SLC5A4: variants seen among roughly 807,000 people sequenced by gnomAD.
SLC5A4 encodes solute carrier family 5 member 4.
SLC5A4 carries 55 observed loss-of-function variants against 70.3 expected under a neutral mutation model. The observed-to-expected ratio is 0.78, with a 90% confidence interval of 0.63 to 0.98. The LOEUF is 0.98. SLC5A4 is among the 50% of genes least tolerant of loss of function. The probability of loss-of-function intolerance (pLI) is 0.00; values close to 1 mark genes in which losing one functional copy is unlikely to be tolerated. For synonymous variants in SLC5A4, 268 were observed against 305.7 expected (o/e 0.88, Z 1.29); for missense variants, 735 against 839.2 (o/e 0.88, Z 1.53).
chr22:32,304,720 A>ATGTT, the SLC5A4 span, among the ~76,000 whole-genome samples: 1 of 152,238 alleles, frequency 6.6e-6, no homozygotes, highest in African/African-American at 2.4e-5. Flanking sequence ...CAGAGCAGAA[A>ATGTT]TGTTTAATTT....
chr22:32,278,914 AT>A, the SLC5A4 span, among the ~76,000 whole-genome samples: 1 of 152,350 alleles, frequency 6.6e-6, no homozygotes, highest in Non-Finnish European at 1.5e-5. Context: ...ATCCCTCAAG[AT>A]TTAGAAAACA....
chr22:32,285,572 C>T, the SLC5A4 span, among the ~76,000 whole-genome samples: 1 of 151,910 alleles, frequency 6.6e-6, no homozygotes, highest in African/African-American at 2.4e-5. Context: ...TTTATCATTT[C>T]TTCTATAGTT....
chr22:32,282,393 G>A, the SLC5A4 span, among the ~76,000 whole-genome samples: 3 of 151,676 alleles, frequency 2.0e-5, no homozygotes, highest in South Asian at 2.1e-4. Context: ...TCACCTGGCT[G>A]CCAGGACTCT....
chr22:32,350,906 TA>T, the SLC5A4 span, among the ~76,000 whole-genome samples: 14,690 of 139,808 alleles, frequency 0.11, 943 homozygotes, highest in African/African-American at 0.19. Flanking sequence ...GAGAAATCAG[TA>T]AAAAAAAAAA....
chr22:32,283,720 A>G, the SLC5A4 span, among the ~76,000 whole-genome samples: 2 of 152,232 alleles, frequency 1.3e-5, no homozygotes, highest in Non-Finnish European at 2.9e-5. Flanking sequence ...CTGAGTATGC[A>G]TTACCTTTGT....
the SLC5A4 span, among the ~76,000 whole-genome samples, chr22:32,323,960 C>A: frequency 6.6e-6 from 1 of 152,086 alleles, no homozygotes; most frequent in East Asian, 1.9e-4. Flanking sequence ...TTGGCAGAGG[C>A]CTCCCGATGG....
At position 32,247,516 on chromosome 22, in the gene SLC5A4, C is replaced by G. The variant is rs778328061; in HGVS notation, c.373-1G>C. 3 of 1,605,600 alleles carry G rather than the reference C, an allele frequency of 1.9e-6. No homozygotes were observed. The South Asian group carries it at 3.3e-5, about 18-fold the overall frequency. ...TGAGATATTCCGGCATGGTCATCACCTGCAGAGACAGACATTGACAGGGAC... is the reference window on the plus strand; with the variant it reads ...TGAGATATTCCGGCATGGTCATCACGTGCAGAGACAGACATTGACAGGGAC... On this transcript the variant is annotated splice_acceptor_variant, in intron 4 of 14. Coordinates refer to ENST00000266086, the MANE Select transcript of SLC5A4 (RefSeq NM_014227.3). LOFTEE classifies it high-confidence loss of function.
the SLC5A4 span, among the ~76,000 whole-genome samples, chr22:32,282,332 C>T: frequency 6.6e-6 from 1 of 152,116 alleles, no homozygotes; most frequent in Non-Finnish European, 1.5e-5. Context: ...TCTGAGCCAC[C>T]CACTGAGTCT....
At chr22:32,299,321 T>G in the SLC5A4 span, among the ~76,000 whole-genome samples, 142 of 151,176 alleles carry the variant, frequency 9.4e-4, no homozygotes, top group African/African-American at 2.5e-3. Flanking sequence ...TCTTTTCACA[T>G]AGTCCCATAT....
the SLC5A4 span, among the ~76,000 whole-genome samples, chr22:32,324,557 C>T: frequency 5.9e-5 from 9 of 152,318 alleles, no homozygotes; most frequent in Admixed American, 1.3e-4. Context: ...ACACATCCTT[C>T]AAGACCTCAC....
intron 7 of SLC5A4, among the ~76,000 whole-genome samples, chr22:32,236,319 C>T (rs1926056074): frequency 6.6e-6 from 1 of 152,034 alleles, no homozygotes; most frequent in East Asian, 1.9e-4. Context: ...TGCTTGACGG[C>T]AATGAACTGA....
intron 11 of SLC5A4, among the ~76,000 whole-genome samples, chr22:32,227,815 G>C (rs998835267): frequency 6.6e-6 from 1 of 151,930 alleles, no homozygotes; most frequent in African/African-American, 2.4e-5. Context: ...CACGCCTCTA[G>C]TCCCAGCTAC....
the SLC5A4 span, among the ~76,000 whole-genome samples, chr22:32,300,514 C>T: frequency 5.9e-5 from 9 of 151,884 alleles, no homozygotes; most frequent in South Asian, 2.1e-4. Flanking sequence ...CGCCCTGCTT[C>T]GGCTCGCACA....
chr22:32,228,950 G>A (rs898596773), intron 11 of SLC5A4, among the ~76,000 whole-genome samples: 1 of 152,078 alleles, frequency 6.6e-6, no homozygotes, highest in African/African-American at 2.4e-5. Context: ...ATGTGAGGAG[G>A]GGAAGAAATA....
chr22:32,219,630 C>CAAAAAAAAAAAAAAAAAAAAAAAATAAA, intron 14 of SLC5A4, among the ~76,000 whole-genome samples: 2 of 28,880 alleles, frequency 6.9e-5, no homozygotes, highest in Non-Finnish European at 1.1e-4. Flanking sequence ...TCCAACTTAG[C>CAAAAAAAAAAAAAAAAAAAAAAAATAAA]AAAAAAAAAA....
the SLC5A4 span, among the ~76,000 whole-genome samples, chr22:32,316,639 C>A: frequency 6.6e-6 from 1 of 152,038 alleles, no homozygotes; most frequent in Non-Finnish European, 1.5e-5. Flanking sequence ...AAGCCATTCT[C>A]CTGCCTCAGC....
At chr22:32,302,845 G>T in the SLC5A4 span, among the ~76,000 whole-genome samples, 3 of 151,998 alleles carry the variant, frequency 2.0e-5, no homozygotes, top group African/African-American at 4.8e-5. Context: ...GAATAATTTT[G>T]TCTGTCTTCA....
chr22:32,315,664 G>A, the SLC5A4 span, among the ~76,000 whole-genome samples: 1 of 151,814 alleles, frequency 6.6e-6, no homozygotes, highest in Admixed American at 6.6e-5. Flanking sequence ...AGACAACAGA[G>A]ACCGTATGGT....
At chr22:32,226,376 T>G (rs769373483) in intron 11 of SLC5A4, among the ~76,000 whole-genome samples, 5 of 152,242 alleles carry the variant, frequency 3.3e-5, no homozygotes, top group Non-Finnish European at 5.9e-5. Flanking sequence ...GGAGCATGAC[T>G]TCTTAACCTT....
Sources: gnomAD v4.1 joint callset for allele counts (sites outside exome capture counted in the v4.1 genomes callset) on GRCh38, gnomAD v4.1.1 for gene constraint, MANE v1.5 for transcripts, NCBI Gene and HGNC (gene_info 2026-07-23, HGNC 2026-07-21) for gene names.